GLG1: variants seen among roughly 807,000 people sequenced by gnomAD.
GLG1 encodes the protein Golgi apparatus protein 1.
Under a neutral mutation model 160.5 loss-of-function variants are expected in GLG1, and 38 were observed. That is an observed-to-expected ratio of 0.24 (90% CI 0.18 to 0.31). The LOEUF (loss-of-function observed/expected upper bound fraction) is 0.31, where lower values mean the gene tolerates loss of function less well. Ranked by LOEUF, GLG1 falls within the 10% of genes least tolerant of loss-of-function variation. GLG1 has a pLI of 1.00. For missense variants in GLG1, 1,373 were observed against 1,505.2 expected, an observed-to-expected ratio of 0.91 and a Z score of 1.45; for synonymous variants, 644 against 543.4, an observed-to-expected ratio of 1.19 and a Z score of -2.57.
At chr16:74,455,827 G>T (rs762393362) in intron 25 of GLG1, among the ~76,000 whole-genome samples, 1 of 152,172 alleles carries the variant, frequency 6.6e-6, no homozygotes, top group Non-Finnish European at 1.5e-5. Flanking sequence ...GTAAAGTGAC[G>T]AAACAGTCAT....
At chr16:74,497,919 G>C (rs1426482700) in intron 4 of GLG1, among the ~76,000 whole-genome samples, 1 of 152,152 alleles carries the variant, frequency 6.6e-6, no homozygotes, top group Admixed American at 6.5e-5. Flanking sequence ...GATTACCACT[G>C]TTTACACAAA....
intron 1 of GLG1, among the ~76,000 whole-genome samples, chr16:74,555,964 T>C (rs1176273451): frequency 6.6e-6 from 1 of 151,884 alleles, no homozygotes; most frequent in Non-Finnish European, 1.5e-5. Context: ...CTCAGCTTCC[T>C]GAATCCCTGG....
intron 1 of GLG1, among the ~76,000 whole-genome samples, chr16:74,545,826 C>T (rs1462642373): frequency 1.3e-5 from 2 of 152,216 alleles, no homozygotes; most frequent in Admixed American, 1.3e-4. Flanking sequence ...ATGCCTACCA[C>T]TTCCAGTCAA....
chr16:74,583,461 A>G (rs1018126278), intron 1 of GLG1, among the ~76,000 whole-genome samples: 1 of 152,044 alleles, frequency 6.6e-6, no homozygotes, highest in Non-Finnish European at 1.5e-5. Context: ...GCTCACTGCA[A>G]CCTCCATCTC....
intron 1 of GLG1, among the ~76,000 whole-genome samples, chr16:74,567,177 T>C (rs1252664946): frequency 6.7e-6 from 1 of 149,358 alleles, no homozygotes; most frequent in African/African-American, 2.5e-5. Flanking sequence ...GTGTGTGTTG[T>C]GTGTGGGGGG....
intron 2 of GLG1, among the ~76,000 whole-genome samples, chr16:74,519,335 G>C (rs943729994): frequency 3.3e-5 from 5 of 151,868 alleles, no homozygotes; most frequent in Admixed American, 2.6e-4. Flanking sequence ...GGGCCTTTTG[G>C]GGGTGGGGGG....
At chr16:74,479,050 C>T (rs1283291182) in intron 11 of GLG1, among the ~76,000 whole-genome samples, 2 of 4,034 alleles carry the variant, frequency 5.0e-4, no homozygotes, top group African/African-American at 8.5e-4. Flanking sequence ...TATTAAAAAT[C>T]CAAAAAAAAA....
rs143544958 is a variant in GLG1, at chr16:74,563,858, T to G, written c.439-31705A>C. Among the ~76,000 whole-genome samples, 451 of 152,362 alleles carry G rather than the reference T, an allele frequency of 3.0e-3. 2 individuals carry two copies. The highest frequency in any genetic ancestry group is 0.017 in the Middle Eastern group (5 of 294). On this transcript the variant is annotated intron_variant, in intron 1 of 25. Transcript: ENST00000422840. Reference sequence around the variant, plus strand: ...TTAAATTATCTTGCTAAAGGTCTACTGGATAACAGAATTGCTCAAGGTTGC... The same window carrying G: ...TTAAATTATCTTGCTAAAGGTCTACGGGATAACAGAATTGCTCAAGGTTGC...
At chr16:74,605,344 T>C (rs995922843) in intron 1 of GLG1, among the ~76,000 whole-genome samples, 1 of 152,210 alleles carries the variant, frequency 6.6e-6, no homozygotes, top group African/African-American at 2.4e-5. Context: ...CTTTCCCTAA[T>C]AATGTGCTGT....
intron 1 of GLG1, among the ~76,000 whole-genome samples, chr16:74,544,432 T>C (rs8052603): frequency 0.99 from 150,753 of 152,324 alleles, 74,635 homozygotes; most frequent in East Asian, 1. Context: ...TCCTGCTTCG[T>C]GTGAGAATCT....
chr16:74,528,106 C>T (rs769796960), intron 2 of GLG1, among the ~76,000 whole-genome samples: 4 of 151,924 alleles, frequency 2.6e-5, no homozygotes, highest in South Asian at 2.1e-4. Flanking sequence ...AGGATGGTCT[C>T]GATCTCCTGA....
Position 74,563,305 on chromosome 16 carries a change from C to T in GLG1, c.439-31152G>A, listed in dbSNP as rs1332860326. On this transcript the variant is annotated intron_variant, in intron 1 of 25. Coordinates refer to ENST00000422840, the MANE Select transcript of GLG1 (RefSeq NM_001145667.2). ...GTTCTGTCAGAAAGAGAACACTGGT[C>T]CACTCCTTTTAACCTACATCAGAGG... is the stretch of plus-strand genomic sequence containing the variant. 4 of 152,264 alleles carry T rather than the reference C, an allele frequency of 2.6e-5. No individual in the cohort carries two copies. The East Asian group carries it at 7.7e-4, about 29-fold the overall frequency. 9.4% of individuals were successfully genotyped at this position (152,264 alleles called of 1,614,324 possible). A position where few individuals can be genotyped will look rare whatever the true frequency, so the allele number is the denominator to read the frequency against.
rs201693911 is a variant in GLG1 at position 74,529,809 on chromosome 16, G to GTTTTTTTTTTTTTTTTTTTTT, written c.471+2311_471+2312insAAAAAAAAAAAAAAAAAAAAA. Among the ~76,000 whole-genome samples the GTTTTTTTTTTTTTTTTTTTTT allele has an allele frequency of 1.2e-4, 12 of 104,104 alleles. 4 individuals are homozygous for GTTTTTTTTTTTTTTTTTTTTT. The highest frequency in any genetic ancestry group is 1.4e-4 in the Non-Finnish European group (8 of 55,544). The allele number at this position is 104,104 out of a possible 152,430, so 68.3% of individuals were successfully genotyped here. A position where few individuals can be genotyped will look rare whatever the true frequency, so the allele number is the denominator to read the frequency against. On this transcript the variant is annotated intron_variant, in intron 2 of 25. Transcript: ENST00000422840. ...CTTCCTATTCCTTGGCTCTTTGAGAGTTCTTTTTTTTTTTTTTTTTTTTTT... is the reference window on the plus strand; with the variant it reads ...CTTCCTATTCCTTGGCTCTTTGAGAGTTTTTTTTTTTTTTTTTTTTTTTCTTTTTTTTTTTTTTTTTTTTTT...
chr16:74,520,906 A>G (rs889939956), intron 2 of GLG1, among the ~76,000 whole-genome samples: 1 of 152,206 alleles, frequency 6.6e-6, no homozygotes, highest in African/African-American at 2.4e-5. Context: ...GGCAGCAGTG[A>G]GCAAAAAGGA....
chr16:74,531,892 T>C (rs540320703), intron 2 of GLG1, among the ~76,000 whole-genome samples: 1 of 152,228 alleles, frequency 6.6e-6, no homozygotes, highest in African/African-American at 2.4e-5. Context: ...ACATGGTAGC[T>C]GTAACTGAAG....
At chr16:74,584,133 T>C (rs1415320879) in intron 1 of GLG1, among the ~76,000 whole-genome samples, 1 of 152,122 alleles carries the variant, frequency 6.6e-6, no homozygotes, top group African/African-American at 2.4e-5. Flanking sequence ...TATTTCATCA[T>C]GACATTCTCC....
At chr16:74,526,231 G>A (rs1344699097) in intron 2 of GLG1, among the ~76,000 whole-genome samples, 1 of 150,200 alleles carries the variant, frequency 6.7e-6, no homozygotes, top group Non-Finnish European at 1.5e-5. Context: ...AGTTGGTGAT[G>A]GTTGGTAAAG....
chr16:74,466,402 T>G (rs1362334489), intron 18 of GLG1, among the ~76,000 whole-genome samples: 2 of 152,200 alleles, frequency 1.3e-5, no homozygotes, highest in African/African-American at 4.8e-5. Context: ...TCCTGAAATC[T>G]TCCCTTCCCT....
At chr16:74,574,091 T>C (rs1018558026) in intron 1 of GLG1, among the ~76,000 whole-genome samples, 2 of 152,190 alleles carry the variant, frequency 1.3e-5, no homozygotes. Flanking sequence ...ATACACTTAT[T>C]ATCTCTGTAA....
Sources: allele counts gnomAD v4.1 joint callset (sites outside exome capture counted in the v4.1 genomes callset), GRCh38; gene constraint gnomAD v4.1.1; transcripts MANE v1.5; gene names NCBI Gene and HGNC (gene_info 2026-07-23, HGNC 2026-07-21).